Variants in VSTM5 observed in about 807,000 individuals in gnomAD.
The protein encoded by VSTM5 is V-set and transmembrane domain containing 5.
Under a neutral mutation model 20.3 loss-of-function variants are expected in VSTM5, and 21 were observed. The observed-to-expected ratio is 1.03, with a 90% CI of 0.73 to 1.49. The LOEUF (loss-of-function observed/expected upper bound fraction) is 1.49. VSTM5 is among the 40% of genes most tolerant of loss of function. The probability of loss-of-function intolerance (pLI) is 0.00; values close to 1 mark genes in which losing one functional copy is unlikely to be tolerated. For synonymous variants in VSTM5, 100 were observed against 102.5 expected, an observed-to-expected ratio of 0.98 and a Z score of 0.14; for missense variants, 219 against 250.0, an observed-to-expected ratio of 0.88 and a Z score of 0.84.
chr11:93,826,517 C>T lies in VSTM5; in HGVS notation c.92-5194G>A, dbSNP rs925425220. Among the ~76,000 whole-genome samples, 5 of 152,074 alleles carry T rather than the reference C, an allele frequency of 3.3e-5. 1 individual carries two copies. The South Asian group carries it at 1.0e-3, about 32-fold the overall frequency. On this transcript the variant is annotated intron_variant, in intron 1 of 3. Coordinates refer to ENST00000409977, the MANE Select transcript of VSTM5 (RefSeq NM_001144871.2). ...GGTTCGTGCCATTCTCCTGCCTCAG[C>T]CACCCGAGTAGCTGGGACTACAGGC...
chr11:93,846,396 C>T (rs952217618), intron 1 of VSTM5, among the ~76,000 whole-genome samples: 3 of 152,194 alleles, frequency 2.0e-5, no homozygotes, highest in African/African-American at 7.2e-5. Flanking sequence ...CTCCAGCCCG[C>T]ACCCCCAACA....
chr11:93,848,865 G>A (rs111719187), intron 1 of VSTM5, among the ~76,000 whole-genome samples: 1 of 152,200 alleles, frequency 6.6e-6, no homozygotes, highest in Non-Finnish European at 1.5e-5. Context: ...CTGAACAGAT[G>A]TGTAAGTATG....
chr11:93,831,942 G>C lies in VSTM5; in HGVS notation c.92-10619C>G, dbSNP rs142127077. Reference sequence around the variant, plus strand: ...GCATGGAAGTTACTCTCAAACATTAGTGTGGTGATTGTAAATGGGTGGAAC... The same window carrying C: ...GCATGGAAGTTACTCTCAAACATTACTGTGGTGATTGTAAATGGGTGGAAC... On this transcript the variant is annotated intron_variant, in intron 1 of 3. Coordinates refer to ENST00000409977, the MANE Select transcript of VSTM5 (RefSeq NM_001144871.2). Among the ~76,000 whole-genome samples, 565 of 152,332 alleles carry C rather than the reference G, an allele frequency of 3.7e-3. 13 individuals carry two copies. Among genetic ancestry groups the C allele is most frequent in the African/African-American group, 0.013 (539 of 41,566 alleles).
At chr11:93,832,501 C>A (rs1944290628) in intron 1 of VSTM5, among the ~76,000 whole-genome samples, 2 of 151,518 alleles carry the variant, frequency 1.3e-5, no homozygotes, top group Non-Finnish European at 2.9e-5. Context: ...TCACTCTATA[C>A]TTTTTTGAAC....
chr11:93,842,044 C>T (rs1483144039), intron 1 of VSTM5, among the ~76,000 whole-genome samples: 1 of 152,204 alleles, frequency 6.6e-6, no homozygotes, highest in Non-Finnish European at 1.5e-5. Context: ...TATAATAGTG[C>T]TGTGCCCGCC....
intron 1 of VSTM5, among the ~76,000 whole-genome samples, chr11:93,839,892 C>T (rs1944357207): frequency 6.6e-6 from 1 of 152,196 alleles, no homozygotes; most frequent in South Asian, 2.1e-4. Context: ...GAGCCCTAAT[C>T]TAATATGACC....
chr11:93,836,966 C>A (rs577022735), intron 1 of VSTM5, among the ~76,000 whole-genome samples: 1 of 151,034 alleles, frequency 6.6e-6, no homozygotes, highest in Non-Finnish European at 1.5e-5. Context: ...TTGTGTGACC[C>A]TTGGGATCCT....
chr11:93,847,413 T>C (rs964570739), intron 1 of VSTM5, among the ~76,000 whole-genome samples: 1 of 152,224 alleles, frequency 6.6e-6, no homozygotes, highest in African/African-American at 2.4e-5. Context: ...AGCTCCATTC[T>C]GGCTGTGGCA....
chr11:93,850,357 T>C (rs1194340789), intron 1 of VSTM5, 55 bp downstream of exon 1: 2 of 1,334,978 alleles, frequency 1.5e-6, no homozygotes, highest in South Asian at 1.3e-5. Context: ...GCCCCGCCCG[T>C]GCCCCCCTAC....
chr11:93,840,338 C>T (rs2135737836), intron 1 of VSTM5, among the ~76,000 whole-genome samples: 3 of 152,284 alleles, frequency 2.0e-5, no homozygotes, highest in Admixed American at 2.0e-4. Context: ...AGGGTGTGAC[C>T]AAGGCCTCTG....
chr11:93,849,280 C>G (rs7124077), intron 1 of VSTM5, among the ~76,000 whole-genome samples: 1 of 151,926 alleles, frequency 6.6e-6, no homozygotes, highest in East Asian at 1.9e-4. Flanking sequence ...CCGCCGCCCA[C>G]CCCAGTAGCT....
chr11:93,847,033 G>T (rs1342376125), intron 1 of VSTM5, among the ~76,000 whole-genome samples: 1 of 152,078 alleles, frequency 6.6e-6, no homozygotes, highest in Non-Finnish European at 1.5e-5. Flanking sequence ...CCAAAGTGCT[G>T]GGATTACAGG....
At chr11:93,822,880 T>C (rs1233626253) in intron 1 of VSTM5, among the ~76,000 whole-genome samples, 1 of 152,236 alleles carries the variant, frequency 6.6e-6, no homozygotes, top group African/African-American at 2.4e-5. Flanking sequence ...TAGTGATTAC[T>C]GCTGTAAGAT....
At chr11:93,845,406 G>C (rs935716194) in intron 1 of VSTM5, among the ~76,000 whole-genome samples, 1 of 152,196 alleles carries the variant, frequency 6.6e-6, no homozygotes, top group Non-Finnish European at 1.5e-5. Context: ...AGAAAGCCTA[G>C]CATGCTCCCT....
chr11:93,820,915 C>T (rs1222593525), intron 2 of VSTM5, 32 bp from the exon 3 acceptor site: 2 of 1,550,770 alleles, frequency 1.3e-6, no homozygotes, highest in African/African-American at 1.4e-5. Context: ...AGGGGGAAGA[C>T]AACATTTCTT....
intron 1 of VSTM5, among the ~76,000 whole-genome samples, chr11:93,825,078 T>A (rs921476566): frequency 2.6e-5 from 4 of 152,232 alleles, no homozygotes; most frequent in African/African-American, 9.6e-5. Flanking sequence ...GTAATTTACT[T>A]TGAAATCAGG....
chr11:93,842,177 G>GT (rs1361322298), intron 1 of VSTM5, among the ~76,000 whole-genome samples: 1 of 152,188 alleles, frequency 6.6e-6, no homozygotes, highest in African/African-American at 2.4e-5. Context: ...AGATGCACAG[G>GT]CTTTTTTGGT....
chr11:93,824,046 T>C (rs532138815), intron 1 of VSTM5, among the ~76,000 whole-genome samples: 1 of 152,214 alleles, frequency 6.6e-6, no homozygotes, highest in South Asian at 2.1e-4. Context: ...TAGCTGGGAT[T>C]ACAGGTGCCC....
intron 1 of VSTM5, among the ~76,000 whole-genome samples, chr11:93,850,182 G>T (rs1944446886): frequency 6.6e-6 from 1 of 152,052 alleles, no homozygotes; most frequent in Non-Finnish European, 1.5e-5. Context: ...GCCGCGGCCG[G>T]TAGCCTCTGC....
Sources: allele counts gnomAD v4.1 joint callset (sites outside exome capture counted in the v4.1 genomes callset), GRCh38; gene constraint gnomAD v4.1.1; transcripts MANE v1.5; gene names NCBI Gene and HGNC (gene_info 2026-07-23, HGNC 2026-07-21).